Variants in NOTCH3 observed in about 807,000 individuals in gnomAD.
NOTCH3 encodes the protein neurogenic locus notch homolog protein 3.
In NOTCH3, 86 loss-of-function variants were observed where a neutral mutation model predicts 213.3. The observed-to-expected ratio is 0.40, with a 90% CI of 0.34 to 0.48. NOTCH3 has a LOEUF of 0.48. Ranked by LOEUF, NOTCH3 falls within the 20% of genes least tolerant of loss-of-function variation. The probability of loss-of-function intolerance (pLI) is 0.57; values close to 1 mark genes in which losing one functional copy is unlikely to be tolerated. For synonymous variants in NOTCH3, 1,354 were observed against 1,355.9 expected, an observed-to-expected ratio of 1.00 and a Z score of 0.03; for missense variants, 2,783 against 3,272.6, an observed-to-expected ratio of 0.85 and a Z score of 3.65.
intron 2 of NOTCH3, 89 bp downstream of exon 2, chr19:15,197,411 G>A (rs1472965118): frequency 1.7e-6 from 2 of 1,172,458 alleles, no homozygotes; most frequent in African/African-American, 1.5e-5. Flanking sequence ...CATCCATGGT[G>A]AACACAGAGG....
At chr19:15,178,367 C>G in intron 23 of NOTCH3, 1 of 484,392 alleles carries the variant, frequency 2.1e-6, no homozygotes, top group East Asian at 3.6e-5. Flanking sequence ...CTTCAAACCT[C>G]CAGGAAATGT....
chr19:15,193,263 G>A, intron 2 of NOTCH3, among the ~76,000 whole-genome samples: 1 of 151,034 alleles, frequency 6.6e-6, no homozygotes, highest in Admixed American at 6.6e-5. Flanking sequence ...AAGAGACGGA[G>A]TCTTGCTCTG....
chr19:15,176,675 G>A (rs1050119105), intron 24 of NOTCH3, among the ~76,000 whole-genome samples: 1 of 148,338 alleles, frequency 6.7e-6, no homozygotes, highest in African/African-American at 2.5e-5. Context: ...AGGTGTGAGG[G>A]TTACTTGAGC....
chr19:15,192,061 A>G lies in NOTCH3; in HGVS notation c.578T>C (p.Leu193Pro). 1 of 1,613,078 alleles carries G rather than the reference A, an allele frequency of 6.2e-7. No homozygotes were observed. Among genetic ancestry groups the G allele is most frequent in the Non-Finnish European group, 8.5e-7 (1 of 1,179,984 alleles). Residue 193 changes from leucine (L) to proline (P), a missense_variant, in exon 4 of 33, where the codon CTA (leucine) becomes CCA (proline). Leu to Pro is a moderately conservative substitution (Grantham distance 98). Around this residue, in one of 6 missense-constraint regions of NOTCH3, gnomAD observed 708 missense variants for 906.6 expected, o/e 0.78. Transcript: ENST00000263388. The part of the protein sequence containing the change: ...CQCPAGYTGP[L>P]CENPAVPCAP... ...ACAGGGCACCGCGGGGTTCTCACAT[A>G]GTGGCCCTGTGTAGCCAGCTGGACA...
intron 29 of NOTCH3, 28 bp downstream of exon 29, chr19:15,167,221 T>C: frequency 6.2e-7 from 1 of 1,605,348 alleles, no homozygotes; most frequent in Non-Finnish European, 8.5e-7. Context: ...GTGAGGGGCA[T>C]CCCTTTGGGA....
In NOTCH3 at chr19:15,189,032, C is replaced by T. The variant is rs568403807; in HGVS notation, c.1335G>A (p.Thr445=). 11 of 1,613,016 alleles carry T rather than the reference C, an allele frequency of 6.8e-6. No homozygotes were observed. The African/African-American group carries it at 1.1e-4, about 16-fold the overall frequency. ...CLSGPCRNQA[T]CLDRIGQFTC... ...TGAACTGGCCTATGCGGTCGAGGCA[C>T]GTGGCCTGGTTTCGGCAGGGCCCCG... Residue 445 remains threonine, a synonymous_variant, in exon 8 of 33, where the codon ACG becomes ACA. Coordinates refer to ENST00000263388, the MANE Select transcript of NOTCH3 (RefSeq NM_000435.3).
At chr19:15,171,666 G>A (rs1181427984) in intron 25 of NOTCH3, among the ~76,000 whole-genome samples, 3 of 152,100 alleles carry the variant, frequency 2.0e-5, no homozygotes, top group Non-Finnish European at 4.4e-5. Flanking sequence ...CCCAGCCAAG[G>A]GACATTGTTT....
intron 16 of NOTCH3, 35 bp downstream of exon 16, chr19:15,184,260 C>T (rs1391925973): frequency 6.2e-7 from 1 of 1,607,752 alleles, no homozygotes; most frequent in African/African-American, 1.3e-5. Flanking sequence ...CTGTGTTCCC[C>T]AGAGCAGCAC....
intron 28 of NOTCH3, among the ~76,000 whole-genome samples, chr19:15,169,289 C>T (rs2046711528): frequency 6.6e-6 from 1 of 152,062 alleles, no homozygotes; most frequent in Admixed American, 6.6e-5. Context: ...CGGCCATCTG[C>T]ACACCAGGAA....
At chr19:15,170,990 C>T (rs1371233944) in intron 25 of NOTCH3, among the ~76,000 whole-genome samples, 165 bp from the exon 26 acceptor site, 1 of 152,194 alleles carries the variant, frequency 6.6e-6, no homozygotes, top group Non-Finnish European at 1.5e-5. Flanking sequence ...CCCACTGCAC[C>T]CCTAAAACGT....
chr19:15,166,180 G>T, intron 29 of NOTCH3, 89 bp from the exon 30 acceptor site: 1 of 1,157,096 alleles, frequency 8.6e-7, no homozygotes, highest in Non-Finnish European at 1.3e-6. Flanking sequence ...GGAGCTAATG[G>T]GACACATGGA....
chr19:15,198,847 G>C (rs886976781), intron 1 of NOTCH3, among the ~76,000 whole-genome samples: 1 of 152,060 alleles, frequency 6.6e-6, no homozygotes, highest in Non-Finnish European at 1.5e-5. Flanking sequence ...GGAAGCGGAG[G>C]TTGCAGTGAC....
intron 24 of NOTCH3, among the ~76,000 whole-genome samples, chr19:15,175,590 T>TATATATATAC (rs150169616): frequency 1.9e-5 from 2 of 107,130 alleles, no homozygotes; most frequent in African/African-American, 3.6e-5. Context: ...TATATGTATA[T>TATATATATAC]ACACACACAC....
chr19:15,180,469 T>C (rs545795255), intron 19 of NOTCH3, among the ~76,000 whole-genome samples: 79 of 152,166 alleles, frequency 5.2e-4, no homozygotes, highest in Non-Finnish European at 1.2e-4. Context: ...GGTCACACCC[T>C]GTAGCACACA....
chr19:15,179,285 G>C lies in NOTCH3; in HGVS notation c.3461-3C>G. The stretch of plus-strand genomic sequence containing the variant: ...CTCATTAATCTCGCAGAGCACCCCT[G>C]GGGGAAGAAACGAGGGGTGGTCAAG... On this transcript the variant is annotated splice_region_variant and splice_polypyrimidine_tract_variant and intron_variant, in intron 21 of 32. Coordinates refer to ENST00000263388, the MANE Select transcript of NOTCH3 (RefSeq NM_000435.3). 3.7e-6 allele frequency: 6 copies of C among 1,611,376 alleles called. No individual in the cohort carries two copies. The highest frequency in any genetic ancestry group is 5.1e-6 in the Non-Finnish European group (6 of 1,178,236).
chr19:15,177,407 T>G (rs1392587795), intron 24 of NOTCH3, 118 bp downstream of exon 24: 1 of 880,246 alleles, frequency 1.1e-6, no homozygotes, highest in Non-Finnish European at 1.9e-6. Flanking sequence ...GCAGATAGAG[T>G]GCACAGAGAA....
At chr19:15,167,187 AAT>A (rs2046692808) in intron 29 of NOTCH3, 60 bp downstream of exon 29, 1 of 1,562,768 alleles carries the variant, frequency 6.4e-7, no homozygotes, top group African/African-American at 1.3e-5. Context: ...CAGAGTCAGA[AAT>A]AACCTCTCAC....
chr19:15,186,926 G>A lies in NOTCH3; in HGVS notation c.1903C>T (p.Arg635Cys), dbSNP rs753801611. Residue 635 changes from arginine to cysteine, a missense_variant, in exon 12 of 33, where the codon CGT becomes TGT. Arg to Cys is a radical substitution (Grantham distance 180). Coordinates refer to ENST00000263388, the MANE Select transcript of NOTCH3 (RefSeq NM_000435.3). ...CAGTCGTAGCGGTTGATGCCATCAC[G>A]GCAGACTCCAAAGGTGCAGGGGTTG... The part of the protein sequence containing the change: ...ASNPCTFGVC[R>C]DGINRYDCVC... 6.2e-7 allele frequency: 1 copy of A among 1,614,180 alleles called. No individual in the cohort carries two copies. The highest frequency in any genetic ancestry group is 1.7e-5 in the Admixed American group (1 of 60,024).
chr19:15,177,853 A>G lies in NOTCH3; in HGVS notation c.4075T>C (p.Phe1359Leu), dbSNP rs1210553203. The G allele has an allele frequency of 2.5e-6, 3 of 1,220,598 alleles. No homozygotes were observed. The highest frequency in any genetic ancestry group is 3.1e-6 in the Non-Finnish European group (3 of 982,402). The allele number at this position is 1,220,598 out of a possible 1,614,324, so 75.6% of individuals were successfully genotyped here. A position where few individuals can be genotyped will look rare whatever the true frequency, so the allele number is the denominator to read the frequency against. Residue 1359 changes from phenylalanine (F) to leucine (L), a missense_variant, in exon 24 of 33, where the codon TTC (phenylalanine) becomes CTC (leucine). Coordinates refer to ENST00000263388, the MANE Select transcript of NOTCH3 (RefSeq NM_000435.3). Reference protein sequence around the residue: ...SCRPAPLAPFFRCACAQGWTG... With the variant: ...SCRPAPLAPFLRCACAQGWTG... ...CAGCCCTGCGCGCAAGCGCAGCGGA[A>G]GAAGGGCGCGAGCGGCGCGGGGCGG...
Sources: gnomAD v4.1 joint callset for allele counts (sites outside exome capture counted in the v4.1 genomes callset) on GRCh38, gnomAD v4.1.1 for gene constraint, gnomAD v4.1.1 regional missense constraint, MANE v1.5 for transcripts, NCBI Gene and HGNC (gene_info 2026-07-23, HGNC 2026-07-21) for gene names.